ARMC2: variants seen among roughly 807,000 people sequenced by gnomAD.
ARMC2 encodes the protein armadillo repeat-containing protein 2.
ARMC2 carries 67 observed loss-of-function variants against 90.3 expected under a neutral mutation model. The ratio of observed to expected loss-of-function variants is 0.74; its 90% CI spans 0.61 to 0.91. The LOEUF (loss-of-function observed/expected upper bound fraction) is 0.91. Ranked by LOEUF, ARMC2 falls within the 40% of genes least tolerant of loss-of-function variation. ARMC2 has a pLI of 0.00. For missense variants in ARMC2, 920 were observed against 1,030.9 expected (o/e 0.89, Z 1.47); for synonymous variants, 393 against 393.0 (o/e 1.00, Z 0.00).
At chr6:109,025,375 GAAAT>G in the ARMC2 span, among the ~76,000 whole-genome samples, 2 of 151,576 alleles carry the variant, frequency 1.3e-5, no homozygotes, top group East Asian at 1.9e-4. Context: ...GTTCCAGTTA[GAAAT>G]AAATAGAGAT....
downstream of ARMC2, among the ~76,000 whole-genome samples, chr6:108,978,007 G>T (rs1779018553): frequency 6.6e-6 from 1 of 152,006 alleles, no homozygotes; most frequent in Admixed American, 6.6e-5. Flanking sequence ...TTTCAGTTCT[G>T]CTCTGATGTT....
the ARMC2 span, among the ~76,000 whole-genome samples, chr6:108,999,426 C>T: frequency 6.6e-6 from 1 of 151,868 alleles, no homozygotes; most frequent in Non-Finnish European, 1.5e-5. Flanking sequence ...TAGATAAGAC[C>T]AAAAGATGCA....
At chr6:108,858,336 C>G in intron 3 of ARMC2, 65 bp downstream of exon 3, 1 of 1,263,952 alleles carries the variant, frequency 7.9e-7, no homozygotes, top group Non-Finnish European at 1.1e-6. Flanking sequence ...GCCAAAAACA[C>G]TTGGAATCAG....
chr6:108,875,624 C>A (rs534516548), intron 4 of ARMC2, among the ~76,000 whole-genome samples: 1 of 152,260 alleles, frequency 6.6e-6, no homozygotes, highest in African/African-American at 2.4e-5. Flanking sequence ...TTTTCCATAG[C>A]ACTTATTATC....
chr6:108,972,369 G>A (rs1778820012), intron 17 of ARMC2, among the ~76,000 whole-genome samples: 1 of 152,184 alleles, frequency 6.6e-6, no homozygotes, highest in South Asian at 2.1e-4. Context: ...GTTATGGAGA[G>A]AGTTTGGGGG....
chr6:108,925,020 A>C (rs1228151203), intron 10 of ARMC2, among the ~76,000 whole-genome samples: 1 of 152,112 alleles, frequency 6.6e-6, no homozygotes, highest in Non-Finnish European at 1.5e-5. Flanking sequence ...GAACAAATAC[A>C]CAGAGGCTGG....
At chr6:108,850,574 AG>A (rs1399916453) in intron 1 of ARMC2, among the ~76,000 whole-genome samples, 2 of 152,222 alleles carry the variant, frequency 1.3e-5, no homozygotes, top group Non-Finnish European at 2.9e-5. Flanking sequence ...AAGGCAAGAC[AG>A]GGAAAGGAGG....
chr6:108,887,097 G>A (rs1365782217), intron 5 of ARMC2, among the ~76,000 whole-genome samples: 2 of 151,962 alleles, frequency 1.3e-5, no homozygotes, highest in African/African-American at 2.4e-5. Flanking sequence ...TAGTAGAGAT[G>A]TGGTTTTGCC....
chr6:109,037,971 C>T, the ARMC2 span, among the ~76,000 whole-genome samples: 1 of 152,124 alleles, frequency 6.6e-6, no homozygotes, highest in Non-Finnish European at 1.5e-5. Context: ...ATAGAAAAAT[C>T]ATTAAGCAAT....
At chr6:108,971,503 G>T (rs756718406) in intron 17 of ARMC2, among the ~76,000 whole-genome samples, 1 of 152,126 alleles carries the variant, frequency 6.6e-6, no homozygotes, top group Non-Finnish European at 1.5e-5. Flanking sequence ...CTTATTTTGG[G>T]TGGTGACACT....
chr6:108,859,230 T>C (rs1000216086), intron 3 of ARMC2, among the ~76,000 whole-genome samples: 8 of 152,170 alleles, frequency 5.3e-5, no homozygotes, highest in African/African-American at 1.9e-4. Flanking sequence ...TTTACCTCCT[T>C]GGAGAACTCT....
chr6:108,961,504 T>C, intron 13 of ARMC2, 68 bp from the exon 14 acceptor site: 6 of 1,487,250 alleles, frequency 4.0e-6, no homozygotes, highest in Middle Eastern at 2.1e-4. Context: ...GCTGTTGCTG[T>C]AGTTGCAACG....
the ARMC2 span, among the ~76,000 whole-genome samples, chr6:109,029,021 C>A: frequency 6.6e-6 from 1 of 152,244 alleles, no homozygotes; most frequent in East Asian, 1.9e-4. Flanking sequence ...GTATAAAATT[C>A]TTATAGCTTC....
the ARMC2 span, among the ~76,000 whole-genome samples, chr6:109,012,985 G>A: frequency 6.6e-6 from 1 of 151,998 alleles, no homozygotes; most frequent in South Asian, 2.1e-4. Flanking sequence ...GCGTGGTGGT[G>A]TGCGCCTGTA....
chr6:108,977,840 T>C (rs1779014307), downstream of ARMC2, among the ~76,000 whole-genome samples: 1 of 152,218 alleles, frequency 6.6e-6, no homozygotes, highest in African/African-American at 2.4e-5. Flanking sequence ...GGATCGGTGG[T>C]GATATCCCCT....
chr6:108,924,391 G>A lies in ARMC2; in HGVS notation c.1351-3697G>A, dbSNP rs1304120165. Reference sequence around the variant, plus strand: ...AAATTAGCAGGGTGTGGTGGTGCTTGCCTGTAATCCCAGCTACTCGGGAGG... The same window carrying A: ...AAATTAGCAGGGTGTGGTGGTGCTTACCTGTAATCCCAGCTACTCGGGAGG... On this transcript the variant is annotated intron_variant, in intron 10 of 17. Coordinates refer to ENST00000392644, the MANE Select transcript of ARMC2 (RefSeq NM_032131.6). Among the ~76,000 whole-genome samples the A allele has an allele frequency of 4.6e-5, 7 of 152,256 alleles. No homozygotes were observed. The East Asian group carries it at 1.2e-3, about 25-fold the overall frequency.
chr6:108,998,567 T>C, the ARMC2 span: 1,468 of 1,613,970 alleles, frequency 9.1e-4, 4 homozygotes, highest in African/African-American at 0.01. Flanking sequence ...GATTGCCATT[T>C]GTAATGTCAC....
the ARMC2 span, among the ~76,000 whole-genome samples, chr6:108,991,070 A>C: frequency 6.8e-6 from 1 of 146,520 alleles, no homozygotes; most frequent in African/African-American, 2.6e-5. Context: ...TCATCTCAAA[A>C]AAAAACAACA....
chr6:109,030,444 G>T, the ARMC2 span, among the ~76,000 whole-genome samples: 7 of 152,124 alleles, frequency 4.6e-5, no homozygotes, highest in African/African-American at 1.7e-4. Flanking sequence ...GACAGTAGAA[G>T]ATTTATCCAA....
Sources: gnomAD v4.1 joint callset for allele counts (sites outside exome capture counted in the v4.1 genomes callset) on GRCh38, gnomAD v4.1.1 for gene constraint, MANE v1.5 for transcripts, NCBI Gene and HGNC (gene_info 2026-07-23, HGNC 2026-07-21) for gene names.